NXPH4: variants seen among roughly 807,000 people sequenced by gnomAD.
NXPH4 encodes neurexophilin 4.
Under a neutral mutation model 21.3 loss-of-function variants are expected in NXPH4, and 8 were observed. The ratio of observed to expected loss-of-function variants is 0.38; its 90% CI spans 0.22 to 0.68. The LOEUF (loss-of-function observed/expected upper bound fraction) is 0.68. Ranked by LOEUF, NXPH4 falls within the 30% of genes least tolerant of loss-of-function variation. The pLI, the probability that NXPH4 is intolerant of heterozygous loss-of-function variation, is 0.53. For synonymous variants in NXPH4, 219 were observed against 192.6 expected, an observed-to-expected ratio of 1.14 and a Z score of -1.13; for missense variants, 418 against 416.8, an observed-to-expected ratio of 1.00 and a Z score of -0.03.
intron 1 of NXPH4, among the ~76,000 whole-genome samples, chr12:57,222,629 C>G (rs2037102548): frequency 6.6e-6 from 1 of 152,046 alleles, no homozygotes; most frequent in Non-Finnish European, 1.5e-5. Context: ...CCTCCCTCCC[C>G]CAATGCCCTC....
chr12:57,225,473 G>A lies in NXPH4; in HGVS notation c.653G>A (p.Gly218Asp). ...LGGALAGPLG[G>D]ALGVPGAKES... ...GGCGCACTGGCGGGGCCGCTTGGGG[G>A]CGCGTTGGGAGTGCCTGGGGCCAAA... The change falls in exon 2 of 2, where the codon GGC becomes GAC. Residue 218 changes from glycine to aspartate, a missense_variant. Physicochemically the swap from Gly to Asp is moderately conservative, Grantham distance 94 (BLOSUM62 -1). Coordinates refer to ENST00000349394, the MANE Select transcript of NXPH4 (RefSeq NM_007224.4). 6.2e-7 allele frequency: 1 copy of A among 1,600,974 alleles called. No homozygotes were observed. The highest frequency in any genetic ancestry group is 8.5e-7 in the Non-Finnish European group (1 of 1,175,318).
chr12:57,224,318 T>C (rs1210315927), intron 1 of NXPH4, among the ~76,000 whole-genome samples: 2 of 152,064 alleles, frequency 1.3e-5, no homozygotes, highest in African/African-American at 2.4e-5. Context: ...GGTTTCTCCA[T>C]GTTGGCCAGG....
chr12:57,225,507 C>T lies in NXPH4; in HGVS notation c.687C>T (p.Arg229=). 1.2e-6 allele frequency: 2 copies of T among 1,611,304 alleles called. No homozygotes were observed. The highest frequency in any genetic ancestry group is 1.7e-6 in the Non-Finnish European group (2 of 1,179,540). The part of the protein sequence containing the change: ...ALGVPGAKES[R]AFNCHVEYEK... ...GAGTGCCTGGGGCCAAAGAGTCACGCGCTTTCAATTGCCACGTGGAGTATG... is the reference window on the plus strand; with the variant it reads ...GAGTGCCTGGGGCCAAAGAGTCACGTGCTTTCAATTGCCACGTGGAGTATG... The change falls in exon 2 of 2, where the codon CGC becomes CGT. Residue 229 remains arginine, a synonymous_variant. Coordinates refer to ENST00000349394, the MANE Select transcript of NXPH4 (RefSeq NM_007224.4).
In NXPH4 at chr12:57,216,891, C is replaced by T. The variant is rs2037043889; in HGVS notation, c.-79C>T. ...GCTCCCGCAGCCGCCCCGCCGCCCG[C>T]CCGGAGCCCCGCGTCCCTAGGCCTG... On this transcript the variant is annotated 5_prime_UTR_variant, in exon 1 of 2. Transcript: ENST00000349394. The surrounding 1 kb of genome is among the most constrained non-coding windows in gnomAD (Gnocchi z 5.3). 1.9e-6 allele frequency: 2 copies of T among 1,027,852 alleles called. No homozygotes were observed. The highest frequency in any genetic ancestry group is 2.5e-6 in the Non-Finnish European group (2 of 811,390). 63.7% of individuals were successfully genotyped at this position (1,027,852 alleles called of 1,614,324 possible).
rs2037043412 is a variant in NXPH4 at position 57,216,868 on chromosome 12, TC to T, written c.-99del. 1 of 277,064 alleles carries T rather than the reference TC, an allele frequency of 3.6e-6. No individual in the cohort carries two copies. Among genetic ancestry groups the T allele is most frequent in the East Asian group, 1.9e-4 (1 of 5,310 alleles). The allele number at this position is 277,064 out of a possible 1,614,324, so 17.2% of individuals were successfully genotyped here. A position where few individuals can be genotyped will look rare whatever the true frequency, so the allele number is the denominator to read the frequency against. On this transcript the variant is annotated 5_prime_UTR_variant, in exon 1 of 2. Coordinates refer to ENST00000349394, the MANE Select transcript of NXPH4 (RefSeq NM_007224.4). This position sits in a 1 kb window ranked among gnomAD's most constrained non-coding sequence, Gnocchi z 5.3. ...CCGCCGCTCCCGCCGCTCCCGCCGC[TC>T]CCGCAGCCGCCCCGCCGCCCGCCCG... is the stretch of plus-strand genomic sequence containing the variant.
At chr12:57,217,177 C>T (rs1266140465) in intron 1 of NXPH4, 151 bp downstream of exon 1, 16 of 693,750 alleles carry the variant, frequency 2.3e-5, no homozygotes, top group Non-Finnish European at 3.5e-5. Context: ...GACAGACTGC[C>T]CGATTCAGGA....
Position 57,225,260 on chromosome 12 carries a change from T to G in NXPH4, c.440T>G (p.Leu147Arg). 6.5e-7 allele frequency: 1 copy of G among 1,549,360 alleles called. No individual in the cohort carries two copies. The highest frequency in any genetic ancestry group is 8.7e-7 in the Non-Finnish European group (1 of 1,149,326). The stretch of plus-strand genomic sequence containing the variant: ...TATTTCCGCCACAACTCGTCCAGCC[T>G]GGGCAACCTCAGTGTCAGCATCGTG... ...SVYFRHNSSS[L>R]GNLSVSIVPP... The change falls in exon 2 of 2, where the codon CTG becomes CGG. Residue 147 changes from leucine to arginine, a missense_variant. Transcript: ENST00000349394.
At chr12:57,224,573 T>C (rs1345941892) in intron 1 of NXPH4, among the ~76,000 whole-genome samples, 1 of 152,226 alleles carries the variant, frequency 6.6e-6, no homozygotes, top group East Asian at 1.9e-4. Flanking sequence ...CTCCACTCCC[T>C]ACTCACCTTC....
At chr12:57,217,436 T>A (rs933799775) in intron 1 of NXPH4, among the ~76,000 whole-genome samples, 16 of 152,184 alleles carry the variant, frequency 1.1e-4, no homozygotes, top group African/African-American at 3.9e-4. Flanking sequence ...CGCCTTCCCA[T>A]TTCTCTTCTC....
chr12:57,223,763 C>T (rs2037114095), intron 1 of NXPH4, among the ~76,000 whole-genome samples: 1 of 152,256 alleles, frequency 6.6e-6, no homozygotes, highest in African/African-American at 2.4e-5. Context: ...CACCCCCACT[C>T]ACCCCTACCC....
chr12:57,221,594 C>T, intron 1 of NXPH4: 1 of 328,576 alleles, frequency 3.0e-6, no homozygotes, highest in East Asian at 8.2e-5. Context: ...TGCAGCTCTC[C>T]CCGCTCCCCG....
chr12:57,219,281 C>T (rs2037067651), intron 1 of NXPH4, among the ~76,000 whole-genome samples: 2 of 152,090 alleles, frequency 1.3e-5, no homozygotes, highest in South Asian at 4.2e-4. Context: ...TTCTCAGAGC[C>T]TGGGACTCCT....
At chr12:57,220,721 CCTGTCCTCAGCCCCTGTCT>C (rs764621509) in intron 1 of NXPH4, among the ~76,000 whole-genome samples, 145 of 152,240 alleles carry the variant, frequency 9.5e-4, no homozygotes, top group Non-Finnish European at 1.8e-3. Flanking sequence ...CTCTCCCATA[CCTGTCCTCAGCCCCTGTCT>C]CTGTCCCCGT....
chr12:57,225,471 G>T lies in NXPH4; in HGVS notation c.651G>T (p.Gly217=). The T allele has an allele frequency of 6.2e-7, 1 of 1,600,608 alleles. No individual in the cohort carries two copies. Residue 217 remains glycine, a synonymous_variant, in exon 2 of 2, where the codon GGG becomes GGT. Coordinates refer to ENST00000349394, the MANE Select transcript of NXPH4 (RefSeq NM_007224.4). ...GGGGCGCACTGGCGGGGCCGCTTGG[G>T]GGCGCGTTGGGAGTGCCTGGGGCCA... ...SLGGALAGPL[G]GALGVPGAKE...
intron 1 of NXPH4, among the ~76,000 whole-genome samples, chr12:57,220,150 GGCGTGGGGT>G (rs1261502158): frequency 5.3e-5 from 8 of 152,174 alleles, no homozygotes; most frequent in Non-Finnish European, 7.4e-5. Flanking sequence ...GGAGTCGCAG[GGCGTGGGGT>G]GGGAAGCAGC....
At chr12:57,221,130 C>T (rs542486172) in intron 1 of NXPH4, among the ~76,000 whole-genome samples, 1 of 152,224 alleles carries the variant, frequency 6.6e-6, no homozygotes, top group African/African-American at 2.4e-5. Context: ...TCCCCAATCC[C>T]AGTCCCCCTC....
At chr12:57,217,072 G>C in intron 1 of NXPH4, 46 bp downstream of exon 1, 1 of 1,527,824 alleles carries the variant, frequency 6.5e-7, no homozygotes, top group South Asian at 1.2e-5. Context: ...CGGGGTTCCG[G>C]GACGCGAAGG....
intron 1 of NXPH4, among the ~76,000 whole-genome samples, chr12:57,220,442 T>G (rs985962624): frequency 2.0e-5 from 3 of 151,478 alleles, no homozygotes; most frequent in Admixed American, 1.3e-4. Context: ...CCGCGCTGGC[T>G]CCAGGAAGCA....
rs376854828 is a variant in NXPH4 at position 57,224,874 on chromosome 12, A to T, written c.58-4A>T. 58 of 836,586 alleles carry T rather than the reference A, an allele frequency of 6.9e-5. No homozygotes were observed. The highest frequency in any genetic ancestry group is 9.7e-5 in the Non-Finnish European group (56 of 575,770). The allele number at this position is 836,586 out of a possible 1,614,324, so 51.8% of individuals were successfully genotyped here. A position where few individuals can be genotyped will look rare whatever the true frequency, so the allele number is the denominator to read the frequency against. ...GTCTCTCTCTCCTCTTTCTTCGTGC[A>T]CAGGCCGTCAGTGCCCAGATACCAG... On this transcript the variant is annotated splice_region_variant and splice_polypyrimidine_tract_variant and intron_variant, in intron 1 of 1. Coordinates refer to ENST00000349394, the MANE Select transcript of NXPH4 (RefSeq NM_007224.4).
Sources: allele counts gnomAD v4.1 joint callset (sites outside exome capture counted in the v4.1 genomes callset), GRCh38; gene constraint gnomAD v4.1.1; non-coding constraint Gnocchi (gnomAD v3.1); transcripts MANE v1.5; gene names NCBI Gene and HGNC (gene_info 2026-07-23, HGNC 2026-07-21).